The following PCYT1B variants were observed in gnomAD, a reference collection of about 807,000 sequenced individuals.
The protein encoded by PCYT1B is phosphate cytidylyltransferase 1B, choline, also known as choline-phosphate cytidylyltransferase B.
A neutral mutation model predicts 26.4 loss-of-function variants in PCYT1B; 10 were observed. The observed-to-expected ratio is 0.38, with a 90% confidence interval of 0.23 to 0.64. The LOEUF is 0.64. Ranked by LOEUF, PCYT1B falls within the 30% of genes least tolerant of loss-of-function variation. The probability of loss-of-function intolerance (pLI) is 0.56; values close to 1 mark genes in which losing one functional copy is unlikely to be tolerated. For missense variants in PCYT1B, 161 were observed against 292.7 expected, an observed-to-expected ratio of 0.55 and a Z score of 3.28; for synonymous variants, 131 against 108.4, an observed-to-expected ratio of 1.21 and a Z score of -1.29.
At chrX:24,668,316 C>T (rs991783936) in intron 1 of PCYT1B, among the ~76,000 whole-genome samples, 1 of 111,843 alleles carries the variant, frequency 8.9e-6, no homozygotes, top group East Asian at 2.8e-4. Context: ...CAAGTGAATG[C>T]CTGGGAATCA....
intron 1 of PCYT1B, among the ~76,000 whole-genome samples, chrX:24,671,213 G>A (rs985946979): frequency 9.0e-6 from 1 of 110,702 alleles, no homozygotes; most frequent in African/African-American, 3.3e-5. Flanking sequence ...CAAGTGATTC[G>A]CCTGCCTAGG....
intron 7 of PCYT1B, among the ~76,000 whole-genome samples, chrX:24,562,919 G>A (rs1054975987): frequency 1.8e-5 from 2 of 110,182 alleles, no homozygotes; most frequent in Admixed American, 9.6e-5. Context: ...TAGAAACGGG[G>A]TTTCACCATG....
intron 1 of PCYT1B, among the ~76,000 whole-genome samples, chrX:24,623,871 A>G (rs1925785776): frequency 9.0e-6 from 1 of 111,350 alleles, no homozygotes; most frequent in Admixed American, 9.6e-5. Context: ...CAACTGGACC[A>G]ATCAGACAAC....
intron 5 of PCYT1B, among the ~76,000 whole-genome samples, chrX:24,582,506 C>T (rs1299925859): frequency 8.9e-6 from 1 of 112,217 alleles, no homozygotes; most frequent in Non-Finnish European, 1.9e-5. Context: ...ATCAGAGAAC[C>T]TTTTTTATCA....
At chrX:24,645,287 A>G (rs1430481684) in intron 1 of PCYT1B, among the ~76,000 whole-genome samples, 1 of 111,024 alleles carries the variant, frequency 9.0e-6, no homozygotes, top group Admixed American at 9.7e-5. Flanking sequence ...AAATTTGAAG[A>G]TTGTGGTTAC....
rs756120272 is a variant in PCYT1B at position 24,579,185 on chromosome X, A to G, written c.708+131T>C. ...ATACACAGTGAGACCCCATCTCTAC[A>G]CAAAAAAAAAAAAAAGAGAGAGAGA... On this transcript the variant is annotated intron_variant, in intron 6 of 7. Coordinates refer to ENST00000379144, the MANE Select transcript of PCYT1B (RefSeq NM_004845.5). 8.9e-6 allele frequency: 5 copies of G among 563,376 alleles called. No individual in the cohort carries two copies. The African/African-American group carries it at 1.5e-4, about 17-fold the overall frequency. The allele number at this position is 563,376 out of a possible 1,213,427, so 46.4% of individuals were successfully genotyped here.
chrX:24,637,401 G>C (rs1926306617), intron 1 of PCYT1B, among the ~76,000 whole-genome samples: 1 of 100,754 alleles, frequency 9.9e-6, no homozygotes, highest in African/African-American at 3.8e-5. Flanking sequence ...TAGCACTTTG[G>C]GAGGCCGAGG....
chrX:24,623,055 TA>T (rs1253859402), intron 1 of PCYT1B, among the ~76,000 whole-genome samples: 1 of 111,135 alleles, frequency 9.0e-6, no homozygotes, highest in Admixed American at 9.7e-5. Context: ...AATATGATGC[TA>T]GGGGTTTGGA....
At chrX:24,567,687 A>T (rs762014479) in intron 7 of PCYT1B, among the ~76,000 whole-genome samples, 3 of 112,022 alleles carry the variant, frequency 2.7e-5, no homozygotes, top group Non-Finnish European at 3.8e-5. Flanking sequence ...GCGGTGGCTC[A>T]TGCCTGTTAT....
chrX:24,589,987 C>G lies in PCYT1B; in HGVS notation c.486+36G>C, dbSNP rs186906892. The G allele has an allele frequency of 7.0e-5, 80 of 1,140,739 alleles. No homozygotes were observed. In the Admixed American group the frequency reaches 1.8e-3, roughly 26 times the overall value. The allele number at this position is 1,140,739 out of a possible 1,213,427, so 94.0% of individuals were successfully genotyped here. A position where few individuals can be genotyped will look rare whatever the true frequency, so the allele number is the denominator to read the frequency against. ...TGGCTGCAGAACCAGACTCCCTAAT[C>G]TTGCTACTTAGAGAATGTGGGAGAA... On this transcript the variant is annotated intron_variant, in intron 4 of 7. Coordinates refer to ENST00000379144, the MANE Select transcript of PCYT1B (RefSeq NM_004845.5).
chrX:24,637,487 A>ATATATATATATATATATATAT (rs1218518627), intron 1 of PCYT1B, among the ~76,000 whole-genome samples: 2 of 56,175 alleles, frequency 3.6e-5, no homozygotes, highest in Non-Finnish European at 5.4e-5. Context: ...ACTAAAAAAA[A>ATATATATATATATATATATAT]AAAAATATAT....
intron 1 of PCYT1B, among the ~76,000 whole-genome samples, chrX:24,670,182 A>T (rs1927228524): frequency 9.0e-6 from 1 of 111,081 alleles, no homozygotes; most frequent in African/African-American, 3.3e-5. Flanking sequence ...TATCTACATC[A>T]CAGTATTTGA....
At chrX:24,619,370 G>A (rs1925627178) in intron 1 of PCYT1B, among the ~76,000 whole-genome samples, 2 of 111,496 alleles carry the variant, frequency 1.8e-5, no homozygotes, top group African/African-American at 6.5e-5. Context: ...TTTAGGCTTC[G>A]CAGCACCCCG....
Position 24,562,488 on chromosome X carries a change from C to T in PCYT1B, c.915G>A (p.Glu305=), listed in dbSNP as rs371415644. Reference sequence around the variant, plus strand: ...AGGCCTGCAGCATCCGGCTGCTCCTCTCCTGGAACATCTGCTTCTAAAGAT... The same window carrying T: ...AGGCCTGCAGCATCCGGCTGCTCCTTTCCTGGAACATCTGCTTCTAAAGAT... ...PDGAWKQMFQ[E]RSSRMLQALS... The change falls in exon 8 of 8, where the codon GAG becomes GAA. Residue 305 remains glutamate (E), a synonymous_variant. Coordinates refer to ENST00000379144, the MANE Select transcript of PCYT1B (RefSeq NM_004845.5). 5.8e-6 allele frequency: 7 copies of T among 1,201,517 alleles called. No homozygotes were observed. The African/African-American group carries it at 1.2e-4, about 21-fold the overall frequency.
At chrX:24,591,293 A>C (rs1006676441) in intron 3 of PCYT1B, among the ~76,000 whole-genome samples, 1 of 111,923 alleles carries the variant, frequency 8.9e-6, no homozygotes, top group Non-Finnish European at 1.9e-5. Flanking sequence ...GTCAGGAAGA[A>C]ATATCATTGT....
chrX:24,627,419 C>T (rs1461182630), intron 1 of PCYT1B, among the ~76,000 whole-genome samples: 3 of 111,181 alleles, frequency 2.7e-5, no homozygotes, highest in East Asian at 5.6e-4. Context: ...CTACAACCTC[C>T]GCCTCCTGGG....
intron 3 of PCYT1B, among the ~76,000 whole-genome samples, chrX:24,602,523 T>A (rs962656006): frequency 1.5e-4 from 17 of 111,057 alleles, no homozygotes; most frequent in Admixed American, 4.8e-4. Flanking sequence ...ACTATGGACT[T>A]GAGGTGATAA....
chrX:24,581,041 C>A (rs2148228300), intron 5 of PCYT1B, among the ~76,000 whole-genome samples: 1 of 111,900 alleles, frequency 8.9e-6, no homozygotes, highest in Non-Finnish European at 1.9e-5. Context: ...CCATCCTAAA[C>A]CAATTCAACA....
chrX:24,576,198 T>C (rs1018420049), intron 6 of PCYT1B, among the ~76,000 whole-genome samples: 9 of 112,730 alleles, frequency 8.0e-5, no homozygotes, highest in African/African-American at 2.9e-4. Context: ...ATTAAAACCA[T>C]GAAAATAACA....
Sources: allele counts gnomAD v4.1 joint callset (sites outside exome capture counted in the v4.1 genomes callset), GRCh38; gene constraint gnomAD v4.1.1; transcripts MANE v1.5; gene names NCBI Gene and HGNC (gene_info 2026-07-23, HGNC 2026-07-21).